The following NAALADL2 variants were observed in gnomAD, a reference collection of about 807,000 sequenced individuals.
NAALADL2 encodes N-acetylated alpha-linked acidic dipeptidase like 2, also known as inactive N-acetylated-alpha-linked acidic dipeptidase-like protein 2.
NAALADL2 carries 76 observed loss-of-function variants against 87.2 expected under a neutral mutation model. The ratio of observed to expected loss-of-function variants is 0.87; its 90% CI spans 0.72 to 1.05. The LOEUF (loss-of-function observed/expected upper bound fraction) is 1.05. Ranked by LOEUF, NAALADL2 falls within the 50% of genes least tolerant of loss-of-function variation. The pLI, the probability that NAALADL2 is intolerant of heterozygous loss-of-function variation, is 0.00. For synonymous variants in NAALADL2, 354 were observed against 331.0 expected (o/e 1.07, Z -0.75); for missense variants, 1,089 against 945.8 (o/e 1.15, Z -1.99).
chr3:174,712,723 A>G (rs969253606), intron 2 of NAALADL2, among the ~76,000 whole-genome samples: 9 of 152,116 alleles, frequency 5.9e-5, no homozygotes, highest in African/African-American at 2.2e-4. Flanking sequence ...TTCATGTAAA[A>G]GAAGAAGATA....
chr3:175,192,912 C>T (rs1415109529), intron 2 of NAALADL2, among the ~76,000 whole-genome samples: 3 of 151,462 alleles, frequency 2.0e-5, no homozygotes, highest in Non-Finnish European at 4.4e-5. Flanking sequence ...AAACCCTGCA[C>T]ATTTTAGAGT....
intron 5 of NAALADL2, among the ~76,000 whole-genome samples, chr3:175,340,884 T>C (rs1762501609): frequency 6.6e-6 from 1 of 152,152 alleles, no homozygotes; most frequent in African/African-American, 2.4e-5. Context: ...ATACATAGTG[T>C]TAACAGTGAG....
At chr3:175,306,868 C>T (rs1414488310) in intron 4 of NAALADL2, among the ~76,000 whole-genome samples, 1 of 152,170 alleles carries the variant, frequency 6.6e-6, no homozygotes, top group East Asian at 1.9e-4. Context: ...ATTCTAGAAT[C>T]ATTACTCCTT....
At chr3:175,614,544 C>T (rs1362103767) in intron 10 of NAALADL2, among the ~76,000 whole-genome samples, 1 of 152,130 alleles carries the variant, frequency 6.6e-6, no homozygotes. Context: ...TCTGTTAAGC[C>T]TCCTGCCTAT....
chr3:175,762,235 T>G (rs1384031496), intron 13 of NAALADL2, among the ~76,000 whole-genome samples: 1 of 149,178 alleles, frequency 6.7e-6, no homozygotes, highest in African/African-American at 2.5e-5. Context: ...TGTTCCAGCA[T>G]TGTTTGTTAA....
chr3:174,881,659 G>A (rs991155021), intron 1 of NAALADL2, among the ~76,000 whole-genome samples: 2 of 151,928 alleles, frequency 1.3e-5, no homozygotes, highest in African/African-American at 4.8e-5. Flanking sequence ...ACTCCATGCG[G>A]GCAGCATGTT....
chr3:174,511,283 A>G (rs768959134), intron 1 of NAALADL2, among the ~76,000 whole-genome samples: 4 of 151,886 alleles, frequency 2.6e-5, no homozygotes, highest in Non-Finnish European at 5.9e-5. Context: ...TCTAATTTAC[A>G]TATTTTCTAG....
chr3:175,506,675 T>C (rs1730367434), intron 9 of NAALADL2, among the ~76,000 whole-genome samples: 1 of 152,222 alleles, frequency 6.6e-6, no homozygotes, highest in Admixed American at 6.5e-5. Context: ...AATTCAGAAA[T>C]GTACTTATTT....
intron 2 of NAALADL2, among the ~76,000 whole-genome samples, chr3:174,737,064 C>T (rs1280736129): frequency 6.6e-6 from 1 of 152,264 alleles, no homozygotes; most frequent in African/African-American, 2.4e-5. Context: ...GCCCTGCCAA[C>T]TCAGGAGGGT....
At chr3:175,184,191 A>G (rs534446497) in intron 2 of NAALADL2, among the ~76,000 whole-genome samples, 1 of 152,232 alleles carries the variant, frequency 6.6e-6, no homozygotes, top group Non-Finnish European at 1.5e-5. Flanking sequence ...TTGTAGGATC[A>G]ACGCCATCTG....
chr3:175,661,632 C>T (rs116717908), intron 11 of NAALADL2, among the ~76,000 whole-genome samples: 1,924 of 151,932 alleles, frequency 0.013, 35 homozygotes, highest in African/African-American at 0.044. Flanking sequence ...TCATATCTTA[C>T]GTTTAAGTCT....
At chr3:175,035,106 C>A (rs553147158) in intron 1 of NAALADL2, among the ~76,000 whole-genome samples, 2 of 152,264 alleles carry the variant, frequency 1.3e-5, no homozygotes, top group Non-Finnish European at 2.9e-5. Context: ...CCACGACCAA[C>A]TCCTCTTTAT....
At chr3:175,647,392 T>G (rs1730160243) in intron 11 of NAALADL2, among the ~76,000 whole-genome samples, 1 of 152,152 alleles carries the variant, frequency 6.6e-6, no homozygotes, top group Non-Finnish European at 1.5e-5. Context: ...TGTATATTGA[T>G]TTAAGTTGCT....
At chr3:175,712,912 A>G (rs1740721097) in intron 11 of NAALADL2, among the ~76,000 whole-genome samples, 1 of 152,088 alleles carries the variant, frequency 6.6e-6, no homozygotes, top group Non-Finnish European at 1.5e-5. Context: ...GTATGGAGCT[A>G]CTGAGATTTG....
rs138214525 is a variant in NAALADL2, at chr3:175,190,703, G to A, written c.546-43228G>A. On this transcript the variant is annotated intron_variant, in intron 2 of 13. Transcript: ENST00000454872. ...GAAAAGTAACCAATATGGGCCGGGC[G>A]CGGTGGCTCACGCCTGTAATCCCAG... 3.6e-3 allele frequency among the ~76,000 whole-genome samples: 544 copies of A among 152,236 alleles called. 1 individual carries two copies. The highest frequency in any genetic ancestry group is 0.012 in the African/African-American group (513 of 41,540).
At chr3:175,010,182 T>C (rs7618555) in intron 1 of NAALADL2, among the ~76,000 whole-genome samples, 56,996 of 152,044 alleles carry the variant, frequency 0.37, 16,560 homozygotes, top group African/African-American at 0.81. Context: ...TGCTTTTAAT[T>C]TTCATTCCCT....
intron 2 of NAALADL2, among the ~76,000 whole-genome samples, chr3:175,210,736 A>G (rs1403158328): frequency 6.6e-6 from 1 of 151,698 alleles, no homozygotes; most frequent in Non-Finnish European, 1.5e-5. Context: ...ACTCTACAAA[A>G]TTGAGTAATA....
chr3:175,070,495 C>T (rs1209383869), intron 1 of NAALADL2, among the ~76,000 whole-genome samples: 1 of 152,022 alleles, frequency 6.6e-6, no homozygotes, highest in East Asian at 1.9e-4. Context: ...AGTGTTGCTT[C>T]AGCTCATTGA....
At chr3:175,326,035 T>C (rs1760667042) in intron 5 of NAALADL2, among the ~76,000 whole-genome samples, 1 of 152,238 alleles carries the variant, frequency 6.6e-6, no homozygotes, top group Admixed American at 6.5e-5. Flanking sequence ...TTTAAAACAT[T>C]TTTCACTTCT....
Sources: allele counts gnomAD v4.1 joint callset (sites outside exome capture counted in the v4.1 genomes callset), GRCh38; gene constraint gnomAD v4.1.1; transcripts MANE v1.5; gene names NCBI Gene and HGNC (gene_info 2026-07-23, HGNC 2026-07-21).